GPC6: variants seen among roughly 807,000 people sequenced by gnomAD.
GPC6 encodes glypican-6.
Under a neutral mutation model 55.2 loss-of-function variants are expected in GPC6, and 14 were observed. The ratio of observed to expected loss-of-function variants is 0.25; its 90% confidence interval spans 0.17 to 0.40. GPC6 has a LOEUF of 0.40. Among genes scored for constraint, GPC6 ranks in the 10% least tolerant of loss-of-function variants. The pLI, the probability that GPC6 is intolerant of heterozygous loss-of-function variation, is 1.00. For synonymous variants in GPC6, 278 were observed against 259.6 expected (o/e 1.07, Z -0.68); for missense variants, 641 against 708.5 (o/e 0.90, Z 1.08).
chr13:94,368,366 C>T (rs1879379501), intron 6 of GPC6, among the ~76,000 whole-genome samples: 1 of 152,040 alleles, frequency 6.6e-6, no homozygotes. Flanking sequence ...TTCAACAGAA[C>T]CCTGCTATCA....
chr13:93,412,149 A>T (rs1162219370), intron 1 of GPC6, among the ~76,000 whole-genome samples: 1 of 152,166 alleles, frequency 6.6e-6, no homozygotes, highest in Non-Finnish European at 1.5e-5. Flanking sequence ...ATAAATAATA[A>T]GTGGAGAGGA....
Position 94,046,746 on chromosome 13 carries a change from G to A in GPC6, c.877+18852G>A, listed in dbSNP as rs527528516. Among the ~76,000 whole-genome samples the A allele has an allele frequency of 4.6e-5, 7 of 152,104 alleles. No homozygotes were observed. In the South Asian group the frequency reaches 1.5e-3, roughly 32 times the overall value. On this transcript the variant is annotated intron_variant, in intron 4 of 8. Coordinates refer to ENST00000377047, the MANE Select transcript of GPC6 (RefSeq NM_005708.5). ...GTTTGTGTGTCTATATGTCATTTAAGTTCAGTTTTCAATGAGGTTACATTT... is the reference window on the plus strand; with the variant it reads ...GTTTGTGTGTCTATATGTCATTTAAATTCAGTTTTCAATGAGGTTACATTT...
intron 4 of GPC6, among the ~76,000 whole-genome samples, chr13:94,202,375 TCA>T (rs1889779657): frequency 6.6e-6 from 1 of 152,194 alleles, no homozygotes; most frequent in African/African-American, 2.4e-5. Context: ...TTTAATGGAC[TCA>T]CAGTTCCACA....
chr13:94,287,150 GTTTGC>G (rs201940415), intron 5 of GPC6, among the ~76,000 whole-genome samples: 2,743 of 152,264 alleles, frequency 0.018, 94 homozygotes, highest in African/African-American at 0.063. Context: ...AAATTGAGAA[GTTTGC>G]AGTGGGTCTC....
chr13:93,540,611 C>T (rs980245373), intron 1 of GPC6, among the ~76,000 whole-genome samples: 1 of 152,056 alleles, frequency 6.6e-6, no homozygotes, highest in Non-Finnish European at 1.5e-5. Context: ...ATCTTTGATA[C>T]ATAAAATGTT....
chr13:94,078,521 A>G (rs1251338181), intron 4 of GPC6, among the ~76,000 whole-genome samples: 4 of 151,938 alleles, frequency 2.6e-5, no homozygotes, highest in Admixed American at 6.6e-5. Flanking sequence ...TAAGATAAAA[A>G]GAGAGAAGCA....
intron 3 of GPC6, among the ~76,000 whole-genome samples, chr13:93,865,019 G>A (rs1236155788): frequency 6.6e-6 from 1 of 151,674 alleles, no homozygotes. Context: ...ACTAAAAAGA[G>A]CTTAGGACAT....
chr13:94,061,399 G>T (rs373983991), intron 4 of GPC6, among the ~76,000 whole-genome samples: 1 of 152,292 alleles, frequency 6.6e-6, no homozygotes, highest in African/African-American at 2.4e-5. Context: ...GGCCAGATTT[G>T]CAGTGATTTG....
At chr13:93,893,632 C>A (rs781657226) in intron 3 of GPC6, among the ~76,000 whole-genome samples, 1 of 152,076 alleles carries the variant, frequency 6.6e-6, no homozygotes, top group Non-Finnish European at 1.5e-5. Flanking sequence ...TTCCACTCAC[C>A]CACAAGGATT....
intron 1 of GPC6, among the ~76,000 whole-genome samples, chr13:93,231,364 TATATATATATATATAC>T (rs1566533386): frequency 1.2e-4 from 2 of 16,136 alleles, no homozygotes; most frequent in African/African-American, 3.6e-4. Flanking sequence ...TATATACGTA[TATATATATATATATAC>T]ATATATATAT....
chr13:93,895,981 A>T (rs979543309), intron 3 of GPC6, among the ~76,000 whole-genome samples: 1 of 152,084 alleles, frequency 6.6e-6, no homozygotes, highest in African/African-American at 2.4e-5. Context: ...TTGGTAGCTT[A>T]ATAGGGTGAC....
Position 94,302,951 on chromosome 13 carries a change from C to T in GPC6, c.1009-3029C>T, listed in dbSNP as rs377546234. 2.6e-3 allele frequency among the ~76,000 whole-genome samples: 390 copies of T among 152,344 alleles called. 2 individuals carry two copies. The highest frequency in any genetic ancestry group is 6.9e-3 in the African/African-American group (285 of 41,582). ...ATTAGGACAAACCGAGGCACTTAGC[C>T]GTGCAGGAACAATGGCAAGCCTTTA... On this transcript the variant is annotated intron_variant, in intron 5 of 8. Transcript: ENST00000377047.
At chr13:93,830,612 T>TGAA in intron 3 of GPC6, 67 bp downstream of exon 3, 2 of 326,102 alleles carry the variant, frequency 6.1e-6, no homozygotes, top group South Asian at 5.9e-5. Context: ...AACCAATGTT[T>TGAA]AAAAAAAAAA....
intron 3 of GPC6, among the ~76,000 whole-genome samples, chr13:93,887,984 CATAG>C (rs1353120346): frequency 2.4e-4 from 37 of 152,220 alleles, no homozygotes; most frequent in Non-Finnish European, 7.4e-5. Flanking sequence ...GGGTCCACTC[CATAG>C]CATAAGTCAC....
At chr13:93,285,350 C>T (rs1167599052) in intron 1 of GPC6, among the ~76,000 whole-genome samples, 3 of 152,052 alleles carry the variant, frequency 2.0e-5, no homozygotes, top group African/African-American at 7.2e-5. Context: ...CAGACAGATA[C>T]TCTTTTCTTG....
chr13:93,289,982 G>T (rs1018734895), intron 1 of GPC6, among the ~76,000 whole-genome samples: 1 of 152,114 alleles, frequency 6.6e-6, no homozygotes, highest in South Asian at 2.1e-4. Context: ...ATCATCACTT[G>T]AACATGCACT....
chr13:93,836,017 C>T (rs1887719466), intron 3 of GPC6: 1 of 152,234 alleles, frequency 6.6e-6, no homozygotes, highest in East Asian at 1.9e-4. Flanking sequence ...GACTTTTAGT[C>T]TTTAGTAAAA....
At chr13:93,797,582 A>G (rs530126382) in intron 2 of GPC6, among the ~76,000 whole-genome samples, 6 of 152,330 alleles carry the variant, frequency 3.9e-5, no homozygotes, top group African/African-American at 1.4e-4. Flanking sequence ...CAGTTTAACT[A>G]TAAGGAAGTG....
intron 2 of GPC6, among the ~76,000 whole-genome samples, chr13:93,789,563 A>C (rs1281802460): frequency 8.7e-6 from 1 of 114,698 alleles, no homozygotes; most frequent in African/African-American, 3.4e-5. Context: ...CTTAGTTAAT[A>C]ATATATATAT....
Sources: allele counts gnomAD v4.1 joint callset (sites outside exome capture counted in the v4.1 genomes callset), GRCh38; gene constraint gnomAD v4.1.1; transcripts MANE v1.5; gene names NCBI Gene and HGNC (gene_info 2026-07-23, HGNC 2026-07-21).